Variants in PCDHA8 observed in about 807,000 individuals in gnomAD.
PCDHA8 encodes the protein protocadherin alpha 8.
PCDHA8 carries 53 observed loss-of-function variants against 61.8 expected under a neutral mutation model. The ratio of observed to expected loss-of-function variants is 0.86; its 90% confidence interval spans 0.69 to 1.08. PCDHA8 has a LOEUF of 1.08. PCDHA8 is among the 50% of genes least tolerant of loss of function. The pLI is 0.00. For missense variants in PCDHA8, 1,293 were observed against 1,245.0 expected (o/e 1.04, Z -0.58); for synonymous variants, 618 against 556.6 (o/e 1.11, Z -1.55).
intron 1 of PCDHA8, among the ~76,000 whole-genome samples, chr5:140,950,237 A>G (rs1192417956): frequency 6.6e-6 from 1 of 151,954 alleles, no homozygotes; most frequent in African/African-American, 2.4e-5. Flanking sequence ...AGTGCCATTA[A>G]TTTGTTCCTA....
At chr5:140,906,494 G>C (rs1327823813) in intron 1 of PCDHA8, among the ~76,000 whole-genome samples, 4 of 152,196 alleles carry the variant, frequency 2.6e-5, no homozygotes, top group African/African-American at 9.7e-5. Context: ...GCACAAACAT[G>C]TTTTTAACAA....
chr5:140,927,702 C>T (rs533775539), intron 1 of PCDHA8: 2 of 1,614,210 alleles, frequency 1.2e-6, no homozygotes, highest in South Asian at 1.1e-5. Flanking sequence ...AAGTCCAGTA[C>T]TCCCTAAGCA....
rs2150329833 is a variant in PCDHA8, at chr5:140,842,126, C to G, written c.805C>G (p.Pro269Ala). ...AGTTATCAAACTGAATGCTTCTGAT[C>G]CGGATGAAGGAGCCAATGGGGCAAT... ...TTVIKLNASD[P>A]DEGANGAISY... Residue 269 changes from proline (P) to alanine (A), a missense_variant, in exon 1 of 4, where the codon CCG (proline) becomes GCG (alanine). By Grantham distance (27) the Pro-to-Ala change is conservative (BLOSUM62 -1). Coordinates refer to ENST00000531613, the MANE Select transcript of PCDHA8 (RefSeq NM_018911.3). The G allele has an allele frequency of 6.2e-7, 1 of 1,613,822 alleles. No homozygotes were observed. Among genetic ancestry groups the G allele is most frequent in the South Asian group, 1.1e-5 (1 of 91,060 alleles).
chr5:140,981,612 T>C (rs2096940396), intron 2 of PCDHA8, among the ~76,000 whole-genome samples: 1 of 152,110 alleles, frequency 6.6e-6, no homozygotes, highest in Non-Finnish European at 1.5e-5. Context: ...CCTCTAATTT[T>C]GATGAGGGTT....
intron 1 of PCDHA8, chr5:140,966,888 C>T: frequency 1.9e-6 from 3 of 1,593,128 alleles, no homozygotes; most frequent in Non-Finnish European, 2.6e-6. Flanking sequence ...GGCCCTGCGG[C>T]CTCCCAGCTG....
At chr5:140,929,175 A>G (rs1554206790) in intron 1 of PCDHA8, 2 of 1,614,126 alleles carry the variant, frequency 1.2e-6, no homozygotes, top group East Asian at 4.5e-5. Flanking sequence ...CCTCTCTGGG[A>G]CTTGGTTCTG....
chr5:140,939,863 G>C (rs2092478768), intron 1 of PCDHA8, among the ~76,000 whole-genome samples: 1 of 152,064 alleles, frequency 6.6e-6, no homozygotes, highest in Non-Finnish European at 1.5e-5. Flanking sequence ...ATGTCCATTA[G>C]GTCATCTTTG....
chr5:140,850,107 C>A lies in PCDHA8; in HGVS notation c.2394+6392C>A, dbSNP rs2150467518. ...GCTGCTACAGTTCCAGGTGAGCGCG[C>A]GCGACGCGGGCGTGCCGCCTCTGGG... On this transcript the variant is annotated intron_variant, in intron 1 of 3. Coordinates refer to ENST00000531613, the MANE Select transcript of PCDHA8 (RefSeq NM_018911.3). 6.9e-6 allele frequency: 11 copies of A among 1,596,052 alleles called. 2 individuals carry two copies. In the Admixed American group the frequency reaches 1.0e-4, roughly 15 times the overall value.
At position 140,841,597 on chromosome 5, in the gene PCDHA8, C is replaced by A; in HGVS notation, c.276C>A (p.Arg92=). 1 of 1,614,076 alleles carries A rather than the reference C, an allele frequency of 6.2e-7. No individual in the cohort carries two copies. Among genetic ancestry groups the A allele is most frequent in the Admixed American group, 1.7e-5 (1 of 60,012 alleles). ...GILFVNSRID[R]EELCGRSAEC... ...TGTTTGTGAATTCTCGGATCGACCG[C>A]GAGGAGCTGTGCGGGCGGAGCGCGG... is the stretch of plus-strand genomic sequence containing the variant. Residue 92 remains arginine (R), a synonymous_variant, in exon 1 of 4, where the codon CGC becomes CGA. Coordinates refer to ENST00000531613, the MANE Select transcript of PCDHA8 (RefSeq NM_018911.3).
At chr5:140,883,697 G>A (rs376619145) in intron 1 of PCDHA8, 3 of 1,613,880 alleles carry the variant, frequency 1.9e-6, no homozygotes, top group South Asian at 1.1e-5. Flanking sequence ...CATCTTCACG[G>A]TGTCTGCTCA....
chr5:140,876,787 G>A, intron 1 of PCDHA8: 1 of 1,614,228 alleles, frequency 6.2e-7, no homozygotes, highest in Non-Finnish European at 8.5e-7. Context: ...GTGGGCCACG[G>A]CTAGAGTGTC....
At chr5:140,983,184 T>C (rs1367703446) in intron 3 of PCDHA8, among the ~76,000 whole-genome samples, 2 of 152,192 alleles carry the variant, frequency 1.3e-5, no homozygotes, top group Non-Finnish European at 2.9e-5. Flanking sequence ...CACAATTTCT[T>C]AGTTTAGAGG....
At chr5:140,849,964 T>A in intron 1 of PCDHA8, 1 of 1,597,810 alleles carries the variant, frequency 6.3e-7, no homozygotes. Flanking sequence ...AACGCCCTGG[T>A]GTCCTACTCG....
intron 1 of PCDHA8, among the ~76,000 whole-genome samples, chr5:140,961,987 C>T (rs1411300268): frequency 1.3e-5 from 2 of 151,942 alleles, no homozygotes; most frequent in African/African-American, 4.8e-5. Context: ...GGGTTCACGC[C>T]ATTGTCCTGC....
rs116346509 is a variant in PCDHA8 at position 140,904,582 on chromosome 5, G to A, written c.2394+60867G>A. ...TTTTTTTCCTCTGGGTAGACACCCA[G>A]TAGTGGGACTGCTGGATCAAATAGT... On this transcript the variant is annotated intron_variant, in intron 1 of 3. Transcript: ENST00000531613. Among the ~76,000 whole-genome samples, 650 of 152,092 alleles carry A rather than the reference G, an allele frequency of 4.3e-3. 5 individuals are homozygous for A. The highest frequency in any genetic ancestry group is 5.5e-3 in the Non-Finnish European group (373 of 67,986).
At chr5:140,870,423 A>G in intron 1 of PCDHA8, 2 of 1,614,178 alleles carry the variant, frequency 1.2e-6, no homozygotes, top group African/African-American at 1.3e-5. Flanking sequence ...CGGCCAGGGT[A>G]TCCGTGGAGG....
At chr5:140,859,820 A>T (rs571266771) in intron 1 of PCDHA8, 10 of 152,434 alleles carry the variant, frequency 6.6e-5, no homozygotes, top group African/African-American at 2.2e-4. Context: ...TGCAGAGTTT[A>T]GAAGTGTATT....
At chr5:140,967,010 C>A (rs781936791) in intron 1 of PCDHA8, 2 of 1,606,340 alleles carry the variant, frequency 1.2e-6, no homozygotes, top group Admixed American at 3.3e-5. Context: ...CATCAACCAT[C>A]TGGGTGCGCC....
chr5:140,984,882 A>G (rs1456658089), intron 3 of PCDHA8, among the ~76,000 whole-genome samples: 3 of 152,150 alleles, frequency 2.0e-5, no homozygotes, highest in African/African-American at 7.2e-5. Context: ...AGTTACCATG[A>G]GAACTAAAGG....
Sources: gnomAD v4.1 joint callset for allele counts (sites outside exome capture counted in the v4.1 genomes callset) on GRCh38, gnomAD v4.1.1 for gene constraint, MANE v1.5 for transcripts, NCBI Gene and HGNC (gene_info 2026-07-23, HGNC 2026-07-21) for gene names.